The following AGBL4 variants were observed in gnomAD, a reference collection of about 807,000 sequenced individuals.
The protein encoded by AGBL4 is AGBL carboxypeptidase 4.
In AGBL4, 58 loss-of-function variants were observed where a neutral mutation model predicts 66.4. The observed-to-expected ratio is 0.87, with a 90% CI of 0.71 to 1.09. The LOEUF is 1.09. AGBL4 is among the 50% of genes least tolerant of loss of function. The pLI, the probability that AGBL4 is intolerant of heterozygous loss-of-function variation, is 0.00. For missense variants in AGBL4, 579 were observed against 631.0 expected (o/e 0.92, Z 0.88); for synonymous variants, 234 against 222.9 (o/e 1.05, Z -0.44).
chr1:48,589,926 T>G (rs1449058113), intron 10 of AGBL4, among the ~76,000 whole-genome samples: 1 of 152,140 alleles, frequency 6.6e-6, no homozygotes, highest in Non-Finnish European at 1.5e-5. Context: ...TCAGTGAGCT[T>G]CCTTTTCTTG....
intron 3 of AGBL4, among the ~76,000 whole-genome samples, chr1:49,312,588 G>A (rs1644961300): frequency 6.6e-6 from 1 of 151,922 alleles, no homozygotes; most frequent in African/African-American, 2.4e-5. Context: ...ATCAGATAAA[G>A]GGACTGGTAA....
chr1:49,936,394 C>A (rs1654024354), intron 1 of AGBL4, among the ~76,000 whole-genome samples: 2 of 152,208 alleles, frequency 1.3e-5, no homozygotes, highest in Non-Finnish European at 2.9e-5. Context: ...GAGAATGGAA[C>A]CAAGTTGGAA....
intron 11 of AGBL4, among the ~76,000 whole-genome samples, chr1:48,558,706 G>A (rs963237602): frequency 1.6e-4 from 24 of 152,334 alleles, no homozygotes; most frequent in African/African-American, 5.3e-4. Context: ...AGTGCTGAGC[G>A]GTTGAGGACA....
At chr1:49,725,334 T>G (rs1172662329) in intron 2 of AGBL4, among the ~76,000 whole-genome samples, 1 of 152,200 alleles carries the variant, frequency 6.6e-6, no homozygotes, top group East Asian at 1.9e-4. Flanking sequence ...GGCTACAAAT[T>G]GTTTCAAATC....
chr1:48,541,869 T>C (rs1287762915), intron 11 of AGBL4, among the ~76,000 whole-genome samples: 2 of 152,206 alleles, frequency 1.3e-5, no homozygotes, highest in East Asian at 1.9e-4. Flanking sequence ...TACTTTAAGT[T>C]CTGGGATACA....
intron 7 of AGBL4, among the ~76,000 whole-genome samples, chr1:48,658,298 C>T (rs567922342): frequency 2.1e-4 from 32 of 152,336 alleles, no homozygotes; most frequent in African/African-American, 7.5e-4. Context: ...ATGATTTTCT[C>T]TCTAGAGAAT....
intron 5 of AGBL4, among the ~76,000 whole-genome samples, chr1:48,988,530 AAAC>A (rs1427845989): frequency 2.6e-5 from 4 of 152,192 alleles, no homozygotes; most frequent in African/African-American, 9.7e-5. Flanking sequence ...ATGGAAGACA[AAAC>A]AACTTTCTCT....
At chr1:49,292,925 TGAAA>T (rs1214029337) in intron 3 of AGBL4, among the ~76,000 whole-genome samples, 1 of 152,228 alleles carries the variant, frequency 6.6e-6, no homozygotes, top group East Asian at 1.9e-4. Flanking sequence ...ATGGTGGGGC[TGAAA>T]GAGCTATAAC....
chr1:48,748,344 G>A (rs745588293), intron 6 of AGBL4, among the ~76,000 whole-genome samples: 1 of 152,184 alleles, frequency 6.6e-6, no homozygotes, highest in Non-Finnish European at 1.5e-5. Context: ...GACAAATCTG[G>A]TTTCATTCCT....
chr1:49,399,466 G>GT (rs973562220), intron 3 of AGBL4, among the ~76,000 whole-genome samples: 16 of 152,128 alleles, frequency 1.1e-4, no homozygotes, highest in African/African-American at 3.9e-4. Flanking sequence ...CGCCAAAAGT[G>GT]TATGAGGGTT....
chr1:48,812,547 T>C (rs1172179778), intron 6 of AGBL4, among the ~76,000 whole-genome samples: 5 of 152,196 alleles, frequency 3.3e-5, no homozygotes, highest in Non-Finnish European at 7.3e-5. Flanking sequence ...CAGCAGTGAA[T>C]CAGATACATT....
chr1:48,639,213 C>T (rs1239153776), intron 8 of AGBL4, among the ~76,000 whole-genome samples: 1 of 152,224 alleles, frequency 6.6e-6, no homozygotes, highest in Admixed American at 6.5e-5. Flanking sequence ...GAAGCTAAAG[C>T]ATTTGTGATA....
Position 49,230,190 on chromosome 1 carries a change from T to C in AGBL4, c.377+15580A>G, listed in dbSNP as rs370543948. On this transcript the variant is annotated intron_variant, in intron 4 of 13. Transcript: ENST00000371839. ...GACATGGTTCTGTCCACCTTGCTTA[T>C]GTGCCTCCAGGCAGATCATTTCTCC... 3.3e-4 allele frequency among the ~76,000 whole-genome samples: 51 copies of C among 152,310 alleles called. 1 individual carries two copies. The South Asian group carries it at 9.3e-3, about 28-fold the overall frequency.
At chr1:49,511,710 T>C (rs1649281541) in intron 3 of AGBL4, among the ~76,000 whole-genome samples, 1 of 151,794 alleles carries the variant, frequency 6.6e-6, no homozygotes, top group South Asian at 2.1e-4. Flanking sequence ...GACTATGAAA[T>C]GCAGTGGGGA....
intron 3 of AGBL4, among the ~76,000 whole-genome samples, chr1:49,493,216 C>T (rs1557991772): frequency 1.3e-5 from 2 of 151,936 alleles, no homozygotes; most frequent in African/African-American, 4.8e-5. Context: ...AAGTATCAGG[C>T]TTTATACTAA....
At chr1:49,771,534 C>T (rs762436757) in intron 2 of AGBL4, among the ~76,000 whole-genome samples, 1 of 151,990 alleles carries the variant, frequency 6.6e-6, no homozygotes, top group Non-Finnish European at 1.5e-5. Context: ...AGTTTTAAGT[C>T]TAATAACTAT....
intron 3 of AGBL4, among the ~76,000 whole-genome samples, chr1:49,252,165 A>T (rs572220636): frequency 6.6e-6 from 1 of 152,258 alleles, no homozygotes; most frequent in African/African-American, 2.4e-5. Context: ...ATCACAGTAA[A>T]GTAACTCAGG....
At chr1:48,772,891 C>T (rs758375604) in intron 6 of AGBL4, among the ~76,000 whole-genome samples, 4 of 152,136 alleles carry the variant, frequency 2.6e-5, no homozygotes, top group Non-Finnish European at 5.9e-5. Context: ...CAGTGCCTGG[C>T]TTCTACCTTT....
At chr1:49,050,481 A>G (rs1644187322) in intron 4 of AGBL4, among the ~76,000 whole-genome samples, 1 of 152,086 alleles carries the variant, frequency 6.6e-6, no homozygotes, top group African/African-American at 2.4e-5. Flanking sequence ...AACACTTATG[A>G]ATGGATAAAT....
Sources: allele counts gnomAD v4.1 joint callset (sites outside exome capture counted in the v4.1 genomes callset), GRCh38; gene constraint gnomAD v4.1.1; transcripts MANE v1.5; gene names NCBI Gene and HGNC (gene_info 2026-07-23, HGNC 2026-07-21).